SLC5A4: variants seen among roughly 807,000 people sequenced by gnomAD.
SLC5A4 encodes solute carrier family 5 member 4.
SLC5A4 carries 55 observed loss-of-function variants against 70.3 expected under a neutral mutation model. The observed-to-expected ratio is 0.78, with a 90% CI of 0.63 to 0.98. The LOEUF (loss-of-function observed/expected upper bound fraction) is 0.98, where lower values mean the gene tolerates loss of function less well. Among genes scored for constraint, SLC5A4 ranks in the 50% least tolerant of loss-of-function variants. The pLI is 0.00. For synonymous variants in SLC5A4, 268 were observed against 305.7 expected, an observed-to-expected ratio of 0.88 and a Z score of 1.29; for missense variants, 735 against 839.2, an observed-to-expected ratio of 0.88 and a Z score of 1.53.
the SLC5A4 span, among the ~76,000 whole-genome samples, chr22:32,305,061 A>G: frequency 6.6e-6 from 1 of 152,092 alleles, no homozygotes; most frequent in Non-Finnish European, 1.5e-5. Context: ...TCTGGGCTAT[A>G]TATTCTGTTC....
the SLC5A4 span, among the ~76,000 whole-genome samples, chr22:32,278,046 C>T: frequency 6.6e-6 from 1 of 151,954 alleles, no homozygotes; most frequent in Non-Finnish European, 1.5e-5. Flanking sequence ...GGTTTAGGGC[C>T]CCACTGGATC....
chr22:32,347,210 T>C, the SLC5A4 span, among the ~76,000 whole-genome samples: 111 of 152,244 alleles, frequency 7.3e-4, 1 homozygote, highest in East Asian at 0.021. Context: ...AAACAACAGG[T>C]GCTGGAGAGG....
intron 3 of SLC5A4, among the ~76,000 whole-genome samples, chr22:32,250,274 T>C (rs1411593836): frequency 6.6e-6 from 1 of 152,054 alleles, no homozygotes; most frequent in Admixed American, 6.5e-5. Context: ...TCCCAGCATT[T>C]TGGGAGGCTG....
chr22:32,340,138 C>T, the SLC5A4 span, among the ~76,000 whole-genome samples: 120 of 60,410 alleles, frequency 2.0e-3, no homozygotes, highest in African/African-American at 0.012. Flanking sequence ...AATCTCTCTC[C>T]GAGCCTCCTC....
intron 13 of SLC5A4, 115 bp downstream of exon 13, chr22:32,224,152 C>T (rs1356758950): frequency 4.1e-6 from 3 of 732,228 alleles, no homozygotes; most frequent in South Asian, 1.7e-5. Context: ...CATCTCCTGA[C>T]CTCGTGATCC....
At chr22:32,316,168 A>T in the SLC5A4 span, among the ~76,000 whole-genome samples, 1 of 151,772 alleles carries the variant, frequency 6.6e-6, no homozygotes, top group Non-Finnish European at 1.5e-5. Context: ...GATGATGGTG[A>T]TGGTTGCACT....
In SLC5A4 at chr22:32,231,015, C is replaced by T; in HGVS notation, c.1082G>A (p.Cys361Tyr). The change falls in exon 10 of 15, where the codon TGC becomes TAC. Residue 361 changes from cysteine (C) to tyrosine (Y), a missense_variant. By Grantham distance (194) the Cys-to-Tyr change is radical. Coordinates refer to ENST00000266086, the MANE Select transcript of SLC5A4 (RefSeq NM_014227.3). ...CATCGTGGGGTATGCGTAGTTGGTG[C>T]AGCCAACATCAACGCCACAGTGTTT... ...CVKHCGVDVG[C>Y]TNYAYPTMVL... is the part of the protein sequence containing the mutation. 1 of 1,613,872 alleles carries T rather than the reference C, an allele frequency of 6.2e-7. No individual in the cohort carries two copies. The highest frequency in any genetic ancestry group is 1.1e-5 in the South Asian group (1 of 91,074).
chr22:32,293,793 C>A, the SLC5A4 span, among the ~76,000 whole-genome samples: 1 of 151,768 alleles, frequency 6.6e-6, no homozygotes, highest in East Asian at 1.9e-4. Context: ...AAGTTGGGGC[C>A]CATTAGTTAT....
At chr22:32,312,953 C>T in the SLC5A4 span, among the ~76,000 whole-genome samples, 1 of 152,074 alleles carries the variant, frequency 6.6e-6, no homozygotes, top group Admixed American at 6.5e-5. Context: ...GTCTTCTGAA[C>T]GTTGTGAACC....
At chr22:32,262,869 A>C in the SLC5A4 span, among the ~76,000 whole-genome samples, 3 of 151,692 alleles carry the variant, frequency 2.0e-5, no homozygotes, top group Admixed American at 2.0e-4. Context: ...TCCCAGGTTC[A>C]TGCCATTCTC....
chr22:32,322,115 G>A, the SLC5A4 span, among the ~76,000 whole-genome samples: 2 of 152,154 alleles, frequency 1.3e-5, no homozygotes, highest in Non-Finnish European at 2.9e-5. Context: ...ACCAGGAGGT[G>A]TGACCAGCTC....
At chr22:32,239,168 C>T (rs771228210) in intron 5 of SLC5A4, 78 bp from the exon 6 acceptor site, 35 of 989,586 alleles carry the variant, frequency 3.5e-5, no homozygotes, top group African/African-American at 4.8e-5. Context: ...GTCCACTCTA[C>T]TCAACCCTTC....
At chr22:32,265,542 T>C in the SLC5A4 span, among the ~76,000 whole-genome samples, 1 of 152,358 alleles carries the variant, frequency 6.6e-6, no homozygotes, top group African/African-American at 2.4e-5. Flanking sequence ...ATTTGTTGTC[T>C]ACTTTTTGGT....
chr22:32,281,359 T>C, the SLC5A4 span, among the ~76,000 whole-genome samples: 9,439 of 152,082 alleles, frequency 0.062, 448 homozygotes, highest in Admixed American at 0.16. Context: ...CCTCTGGGGT[T>C]GGGCGTGCAG....
chr22:32,226,934 C>G (rs1925435956), intron 11 of SLC5A4, among the ~76,000 whole-genome samples: 1 of 152,036 alleles, frequency 6.6e-6, no homozygotes, highest in African/African-American at 2.4e-5. Context: ...TTTCCTTCCC[C>G]CAGAGCACCA....
chr22:32,279,973 C>T, the SLC5A4 span, among the ~76,000 whole-genome samples: 9 of 152,134 alleles, frequency 5.9e-5, no homozygotes, highest in Admixed American at 3.9e-4. Flanking sequence ...CCATGCCCTG[C>T]GACCAAGTGC....
the SLC5A4 span, among the ~76,000 whole-genome samples, chr22:32,290,340 T>TA: frequency 1.3e-5 from 2 of 152,144 alleles, no homozygotes; most frequent in African/African-American, 4.8e-5. Context: ...TGAGGACATG[T>TA]GGTGTTTTCT....
the SLC5A4 span, among the ~76,000 whole-genome samples, chr22:32,333,353 T>C: frequency 6.3e-4 from 96 of 152,092 alleles, 1 homozygote; most frequent in African/African-American, 2.3e-3. Flanking sequence ...TCAGTGAGGT[T>C]TTGAGGAATG....
At chr22:32,322,136 A>G in the SLC5A4 span, among the ~76,000 whole-genome samples, 6 of 152,124 alleles carry the variant, frequency 3.9e-5, no homozygotes, top group South Asian at 1.2e-3. Flanking sequence ...AACATTCTAG[A>G]CCTAAGGGTT....
Sources: allele counts gnomAD v4.1 joint callset (sites outside exome capture counted in the v4.1 genomes callset), GRCh38; gene constraint gnomAD v4.1.1; transcripts MANE v1.5; gene names NCBI Gene and HGNC (gene_info 2026-07-23, HGNC 2026-07-21).